Variants in USO1 observed in about 807,000 individuals in gnomAD.
USO1 encodes USO1 vesicle transport factor, also known as general vesicular transport factor p115.
Under a neutral mutation model 124.5 loss-of-function variants are expected in USO1, and 57 were observed. The observed-to-expected ratio is 0.46, with a 90% CI of 0.37 to 0.57. USO1 has a LOEUF of 0.57. USO1 is among the 20% of genes least tolerant of loss of function. The pLI, the probability that USO1 is intolerant of heterozygous loss-of-function variation, is 0.00. For synonymous variants in USO1, 369 were observed against 362.8 expected (o/e 1.02, Z -0.19); for missense variants, 900 against 1,040.6 (o/e 0.86, Z 1.86).
chr4:75,748,053 A>G (rs1270787186), intron 1 of USO1, among the ~76,000 whole-genome samples: 1 of 151,130 alleles, frequency 6.6e-6, no homozygotes. Context: ...AATTACAGGC[A>G]TGTATCACCA....
At chr4:75,799,205 A>C (rs1722772810) in intron 13 of USO1, among the ~76,000 whole-genome samples, 1 of 151,760 alleles carries the variant, frequency 6.6e-6, no homozygotes, top group African/African-American at 2.4e-5. Context: ...TTTTGAAGGA[A>C]GTAGAATTTT....
rs1721738202 is a variant in USO1 at position 75,765,362 on chromosome 4, G to T, written c.296-5077G>T. ...AATTTGGCTAACATCTCCATGATTT[G>T]TTAGGGTTCTGGGGTGGCTTAAAAA... On this transcript the variant is annotated intron_variant, in intron 4 of 23. Transcript: ENST00000514213. Among the ~76,000 whole-genome samples, 6 of 152,126 alleles carry T rather than the reference G, an allele frequency of 3.9e-5. No homozygotes were observed. In the South Asian group the frequency reaches 1.0e-3, roughly 26 times the overall value.
At chr4:75,790,263 T>G in intron 11 of USO1, 25 bp downstream of exon 11, 3 of 1,568,606 alleles carry the variant, frequency 1.9e-6, no homozygotes, top group Non-Finnish European at 2.6e-6. Flanking sequence ...ATACTGAGAT[T>G]ACTCTGAGGA....
rs749360979 is a variant in USO1 at position 75,799,607 on chromosome 4, A to G, written c.1453-15A>G. On this transcript the variant is annotated splice_polypyrimidine_tract_variant and intron_variant, in intron 13 of 23. Coordinates refer to ENST00000514213, the MANE Select transcript of USO1 (RefSeq NM_003715.4). ...AAAATGAATGGAAAGATTTCTACCAATTTATCTGTTGCAGGGAAGCAAAAT... is the reference window on the plus strand; with the variant it reads ...AAAATGAATGGAAAGATTTCTACCAGTTTATCTGTTGCAGGGAAGCAAAAT... The G allele has an allele frequency of 5.0e-6, 8 of 1,611,044 alleles. No individual in the cohort carries two copies. In the Admixed American group the frequency reaches 6.7e-5, roughly 14 times the overall value.
At chr4:75,810,775 G>A (rs1269531006) in intron 22 of USO1, among the ~76,000 whole-genome samples, 2 of 152,074 alleles carry the variant, frequency 1.3e-5, no homozygotes, top group East Asian at 1.9e-4. Context: ...TCTGTCACCA[G>A]ACTGGAGTAC....
chr4:75,807,462 G>T (rs1442562827), intron 20 of USO1, among the ~76,000 whole-genome samples: 1 of 151,476 alleles, frequency 6.6e-6, no homozygotes, highest in Non-Finnish European at 1.5e-5. Flanking sequence ...TAAGCAACTG[G>T]CCCTAGTCCA....
At chr4:75,777,087 A>T (rs962914621) in intron 8 of USO1, among the ~76,000 whole-genome samples, 1 of 152,266 alleles carries the variant, frequency 6.6e-6, no homozygotes, top group Admixed American at 6.5e-5. Context: ...CTGGGTTTTT[A>T]AAATTACTTT....
chr4:75,748,972 G>T (rs1349373084), intron 1 of USO1, among the ~76,000 whole-genome samples: 1 of 151,552 alleles, frequency 6.6e-6, no homozygotes, highest in East Asian at 1.9e-4. Flanking sequence ...ACATATATGT[G>T]TATATATATG....
chr4:75,813,145 T>C (rs1723197703), intron 23 of USO1, 61 bp from the exon 24 acceptor site: 2 of 1,546,046 alleles, frequency 1.3e-6, no homozygotes, highest in South Asian at 1.3e-5. Flanking sequence ...GTATATATTG[T>C]TAAATGTTGA....
At chr4:75,781,485 G>T (rs1315732832) in intron 8 of USO1, among the ~76,000 whole-genome samples, 1 of 152,116 alleles carries the variant, frequency 6.6e-6, no homozygotes, top group African/African-American at 2.4e-5. Context: ...AGACTCAGGT[G>T]GTCATTAGCA....
chr4:75,743,595 T>G (rs927641555), intron 1 of USO1, among the ~76,000 whole-genome samples: 5 of 152,200 alleles, frequency 3.3e-5, no homozygotes, highest in Admixed American at 2.6e-4. Context: ...GGTTCTCTGC[T>G]ATTTTCCCAG....
At chr4:75,743,783 GC>G (rs1430551953) in intron 1 of USO1, among the ~76,000 whole-genome samples, 1 of 151,898 alleles carries the variant, frequency 6.6e-6, no homozygotes, top group African/African-American at 2.4e-5. Context: ...TCACATACAA[GC>G]CCTTTTTTTT....
intron 1 of USO1, among the ~76,000 whole-genome samples, chr4:75,747,901 T>A: frequency 4.6e-5 from 1 of 21,972 alleles, no homozygotes; most frequent in African/African-American, 1.2e-4. Flanking sequence ...TCACCTGGCC[T>A]TTTTTTTTTT....
chr4:75,749,114 A>G (rs1192477471), intron 1 of USO1, among the ~76,000 whole-genome samples: 1 of 152,160 alleles, frequency 6.6e-6, no homozygotes, highest in Non-Finnish European at 1.5e-5. Flanking sequence ...TTATCCTGCT[A>G]TATCTGCTAT....
intron 7 of USO1, among the ~76,000 whole-genome samples, chr4:75,772,631 T>C (rs1401871315): frequency 6.6e-6 from 1 of 152,200 alleles, no homozygotes; most frequent in Non-Finnish European, 1.5e-5. Flanking sequence ...TTGGGGTATC[T>C]TTCCTTGACT....
chr4:75,781,698 A>G (rs1163955473), intron 8 of USO1, among the ~76,000 whole-genome samples: 1 of 152,154 alleles, frequency 6.6e-6, no homozygotes, highest in East Asian at 1.9e-4. Flanking sequence ...CTGTGTAGAG[A>G]AACTCTATTT....
At chr4:75,803,628 G>A (rs1345865389) in intron 17 of USO1, among the ~76,000 whole-genome samples, 2 of 142,738 alleles carry the variant, frequency 1.4e-5, no homozygotes, top group African/African-American at 2.6e-5. Context: ...CAGCCTGGGC[G>A]ATAAGAGCGA....
At chr4:75,726,735 T>G (rs1006568662) in intron 1 of USO1, among the ~76,000 whole-genome samples, 1 of 152,232 alleles carries the variant, frequency 6.6e-6, no homozygotes, top group Non-Finnish European at 1.5e-5. Flanking sequence ...CAAGGCAGCC[T>G]GAGCTACCCT....
At chr4:75,764,940 A>G (rs1193387812) in intron 4 of USO1, among the ~76,000 whole-genome samples, 1 of 152,198 alleles carries the variant, frequency 6.6e-6, no homozygotes, top group Non-Finnish European at 1.5e-5. Context: ...TAGACAGAGC[A>G]TATACTCCCC....
Sources: allele counts gnomAD v4.1 joint callset (sites outside exome capture counted in the v4.1 genomes callset), GRCh38; gene constraint gnomAD v4.1.1; transcripts MANE v1.5; gene names NCBI Gene and HGNC (gene_info 2026-07-23, HGNC 2026-07-21).